GRID1: variants seen among roughly 807,000 people sequenced by gnomAD.
The protein encoded by GRID1 is glutamate ionotropic receptor delta type subunit 1.
A neutral mutation model predicts 98.0 loss-of-function variants in GRID1; 28 were observed. That is an observed-to-expected ratio of 0.29 (90% CI 0.21 to 0.39). GRID1 has a LOEUF of 0.39. Ranked by LOEUF, GRID1 falls within the 10% of genes least tolerant of loss-of-function variation. GRID1 has a pLI of 1.00. For synonymous variants in GRID1, 553 were observed against 538.5 expected, an observed-to-expected ratio of 1.03 and a Z score of -0.37; for missense variants, 1,111 against 1,340.5, an observed-to-expected ratio of 0.83 and a Z score of 2.67.
intron 4 of GRID1, among the ~76,000 whole-genome samples, chr10:86,048,930 C>T (rs1843462526): frequency 6.6e-6 from 1 of 152,198 alleles, no homozygotes; most frequent in African/African-American, 2.4e-5. Context: ...GGTAATTGAC[C>T]TGTCTCCCAG....
intron 9 of GRID1, among the ~76,000 whole-genome samples, chr10:85,729,253 A>C (rs1841796421): frequency 6.6e-6 from 1 of 152,190 alleles, no homozygotes. Flanking sequence ...TCTGGTCCTC[A>C]GAGGAAGCTG....
Position 85,743,105 on chromosome 10 carries a change from G to GCCCCC in GRID1, c.1234-13496_1234-13492dup, listed in dbSNP as rs4031782. On this transcript the variant is annotated intron_variant, in intron 8 of 15. Coordinates refer to ENST00000327946, the MANE Select transcript of GRID1 (RefSeq NM_017551.3). ...AACCCTTGGAGGATAGAATTATGCA[G>GCCCCC]CCCCCCCCCCCACCACCCATTGAGA... Among the ~76,000 whole-genome samples, 758 of 82,510 alleles carry GCCCCC rather than the reference G, an allele frequency of 9.2e-3. 39 individuals carry two copies. The highest frequency in any genetic ancestry group is 0.018 in the East Asian group (34 of 1,838). The allele number at this position is 82,510 out of a possible 152,430, so 54.1% of individuals were successfully genotyped here. A position where few individuals can be genotyped will look rare whatever the true frequency, so the allele number is the denominator to read the frequency against.
chr10:85,769,627 T>G (rs1053094766), intron 8 of GRID1, among the ~76,000 whole-genome samples: 3 of 152,180 alleles, frequency 2.0e-5, no homozygotes, highest in African/African-American at 7.2e-5. Flanking sequence ...ACCCCAATAC[T>G]GTGCTTTTCC....
At chr10:85,881,934 A>T (rs1328211221) in intron 5 of GRID1, among the ~76,000 whole-genome samples, 2 of 152,174 alleles carry the variant, frequency 1.3e-5, no homozygotes, top group Non-Finnish European at 2.9e-5. Context: ...CAAGAAAAAA[A>T]CAAACAACCC....
intron 2 of GRID1, among the ~76,000 whole-genome samples, chr10:86,354,879 C>T (rs760953405): frequency 6.6e-6 from 1 of 152,166 alleles, no homozygotes; most frequent in Non-Finnish European, 1.5e-5. Context: ...TGAGCCATGT[C>T]GTCAACACTA....
At chr10:85,665,675 T>C (rs1841011530) in intron 12 of GRID1, among the ~76,000 whole-genome samples, 1 of 152,170 alleles carries the variant, frequency 6.6e-6, no homozygotes, top group Non-Finnish European at 1.5e-5. Flanking sequence ...TAAAGGAGTA[T>C]TGATTGCAAA....
At chr10:85,695,361 T>G (rs61698547) in intron 12 of GRID1, among the ~76,000 whole-genome samples, 2 of 152,166 alleles carry the variant, frequency 1.3e-5, no homozygotes, top group African/African-American at 4.8e-5. Context: ...GTTATACAAC[T>G]TGCTTGCCCC....
chr10:86,314,880 G>A (rs1228688322), intron 2 of GRID1, among the ~76,000 whole-genome samples: 1 of 152,154 alleles, frequency 6.6e-6, no homozygotes, highest in African/African-American at 2.4e-5. Context: ...AGAGCCCCCA[G>A]GATCCATCAC....
chr10:86,322,441 T>C (rs1209646632), intron 2 of GRID1, among the ~76,000 whole-genome samples: 2 of 152,186 alleles, frequency 1.3e-5, no homozygotes, highest in Admixed American at 1.3e-4. Context: ...TGACAGATTC[T>C]TGTTCTGTTG....
chr10:86,136,243 T>C (rs189773445), intron 4 of GRID1, among the ~76,000 whole-genome samples: 20 of 152,296 alleles, frequency 1.3e-4, no homozygotes, highest in African/African-American at 4.8e-4. Context: ...ATAGCTCATG[T>C]TTACTCCAGA....
intron 8 of GRID1, among the ~76,000 whole-genome samples, chr10:85,773,380 A>G (rs1383163166): frequency 5.9e-5 from 9 of 152,384 alleles, no homozygotes; most frequent in African/African-American, 2.2e-4. Context: ...CTGAATGGGC[A>G]AAAACTGGAA....
chr10:86,026,614 A>G (rs909503274), intron 4 of GRID1, among the ~76,000 whole-genome samples: 2 of 152,178 alleles, frequency 1.3e-5, no homozygotes, highest in African/African-American at 4.8e-5. Flanking sequence ...CAAAAACCTA[A>G]TATGTACTTA....
rs538696745 is a variant in GRID1 at position 85,781,986 on chromosome 10, T to G, written c.1234-52372A>C. Among the ~76,000 whole-genome samples, 9 of 152,338 alleles carry G rather than the reference T, an allele frequency of 5.9e-5. No homozygotes were observed. The East Asian group carries it at 1.7e-3, about 29-fold the overall frequency. ...GGAATTCTCAACAGTTTAACATTGG[T>G]TTGATCTATTTTTGTTAGTCTTTTT... On this transcript the variant is annotated intron_variant, in intron 8 of 15. Coordinates refer to ENST00000327946, the MANE Select transcript of GRID1 (RefSeq NM_017551.3).
chr10:85,868,481 T>G (rs572181858), intron 6 of GRID1, among the ~76,000 whole-genome samples: 1 of 152,180 alleles, frequency 6.6e-6, no homozygotes, highest in Non-Finnish European at 1.5e-5. Context: ...GAAGGAACCA[T>G]GCGGGTGGGG....
chr10:85,741,385 C>T (rs1020167752), intron 8 of GRID1, among the ~76,000 whole-genome samples: 2 of 152,030 alleles, frequency 1.3e-5, no homozygotes, highest in African/African-American at 2.4e-5. Flanking sequence ...TTTTTAAACT[C>T]GCTTGATATG....
intron 2 of GRID1, among the ~76,000 whole-genome samples, chr10:86,252,323 G>C (rs1470768951): frequency 6.6e-6 from 1 of 152,154 alleles, no homozygotes; most frequent in East Asian, 1.9e-4. Context: ...ATCCAGGCCT[G>C]GTCCAACATC....
chr10:86,115,064 G>T (rs113140729), intron 4 of GRID1, among the ~76,000 whole-genome samples: 7 of 152,230 alleles, frequency 4.6e-5, no homozygotes, highest in African/African-American at 1.7e-4. Context: ...GCAGGCAGGA[G>T]AAGCAAGAGC....
At chr10:85,861,849 G>C (rs1843166524) in intron 6 of GRID1, among the ~76,000 whole-genome samples, 1 of 152,202 alleles carries the variant, frequency 6.6e-6, no homozygotes, top group Non-Finnish European at 1.5e-5. Context: ...GGACTCAATT[G>C]AGTGAGGACT....
intron 2 of GRID1, among the ~76,000 whole-genome samples, chr10:86,315,301 A>C (rs1847883162): frequency 6.6e-6 from 1 of 152,144 alleles, no homozygotes; most frequent in South Asian, 2.1e-4. Flanking sequence ...AGGTTCTTGC[A>C]ATTTGTCACC....
Sources: allele counts gnomAD v4.1 joint callset (sites outside exome capture counted in the v4.1 genomes callset), GRCh38; gene constraint gnomAD v4.1.1; transcripts MANE v1.5; gene names NCBI Gene and HGNC (gene_info 2026-07-23, HGNC 2026-07-21).